The following RAB18 variants were observed in gnomAD, a reference collection of about 807,000 sequenced individuals.
RAB18 encodes the protein ras-related protein Rab-18.
A neutral mutation model predicts 28.5 loss-of-function variants in RAB18; 10 were observed. The ratio of observed to expected loss-of-function variants is 0.35; its 90% CI spans 0.22 to 0.60. The LOEUF (loss-of-function observed/expected upper bound fraction) is 0.60, where lower values mean the gene tolerates loss of function less well. Ranked by LOEUF, RAB18 falls within the 20% of genes least tolerant of loss-of-function variation. The probability of loss-of-function intolerance (pLI) is 0.78; values close to 1 mark genes in which losing one functional copy is unlikely to be tolerated. For synonymous variants in RAB18, 93 were observed against 86.9 expected (o/e 1.07, Z -0.39); for missense variants, 188 against 244.2 (o/e 0.77, Z 1.53).
intron 1 of RAB18, among the ~76,000 whole-genome samples, chr10:27,509,446 G>T (rs1361285226): frequency 6.6e-6 from 1 of 152,130 alleles, no homozygotes; most frequent in Non-Finnish European, 1.5e-5. Context: ...CTTGAATTCA[G>T]AGTGGATTAC....
intron 3 of RAB18, among the ~76,000 whole-genome samples, chr10:27,528,981 T>C (rs940982959): frequency 2.0e-5 from 3 of 152,078 alleles, no homozygotes; most frequent in African/African-American, 7.2e-5. Flanking sequence ...AAAATAAGTT[T>C]TCTTTTTACA....
intron 2 of RAB18, among the ~76,000 whole-genome samples, chr10:27,519,112 G>A: frequency 6.6e-6 from 1 of 151,156 alleles, no homozygotes; most frequent in East Asian, 1.9e-4. Context: ...AAAACGAAGT[G>A]GGGTTTATCC....
chr10:27,542,181 GA>G lies in RAB18; in HGVS notation c.*4131del, dbSNP rs1835053713. 2.2e-6 allele frequency: 1 copy of G among 454,100 alleles called. No homozygotes were observed. Among genetic ancestry groups the G allele is most frequent in the Non-Finnish European group, 4.4e-6 (1 of 226,788 alleles). 28.1% of individuals were successfully genotyped at this position (454,100 alleles called of 1,614,324 possible). ...CTGGATCAAATTGGACCTGAATTGA[GA>G]TCTATTTCTCAGCTTTCACTTATGT... On this transcript the variant is annotated 3_prime_UTR_variant, in exon 7 of 7. Coordinates refer to ENST00000356940, the MANE Select transcript of RAB18 (RefSeq NM_021252.5).
chr10:27,517,280 T>G (rs1253367958), intron 2 of RAB18, among the ~76,000 whole-genome samples: 1 of 152,122 alleles, frequency 6.6e-6, no homozygotes, highest in African/African-American at 2.4e-5. Flanking sequence ...GGAGAATCAC[T>G]TGAATCCGGG....
intron 4 of RAB18, among the ~76,000 whole-genome samples, 158 bp downstream of exon 4, chr10:27,532,737 A>C (rs1204189022): frequency 6.6e-6 from 1 of 152,058 alleles, no homozygotes; most frequent in Non-Finnish European, 1.5e-5. Flanking sequence ...ATGAATATTA[A>C]AACTTTTGAT....
At chr10:27,530,690 T>A (rs1211690213) in intron 3 of RAB18, among the ~76,000 whole-genome samples, 1 of 151,908 alleles carries the variant, frequency 6.6e-6, no homozygotes, top group Non-Finnish European at 1.5e-5. Context: ...TAGTTTCTTA[T>A]TATATATATT....
rs539338497 is a variant in RAB18, at chr10:27,524,923, A to T, written c.125-1905A>T. Among the ~76,000 whole-genome samples the T allele has an allele frequency of 2.0e-5, 3 of 152,354 alleles. No individual in the cohort carries two copies. In the South Asian group the frequency reaches 6.2e-4, roughly 32 times the overall value. On this transcript the variant is annotated intron_variant, in intron 2 of 6. Transcript: ENST00000356940. ...CTGGATTTAGATTAGGTGCCCCTTC[A>T]GGCTACCTGTGTCTGTTGGCTTTGA...
In RAB18 at chr10:27,523,858, T is replaced by A. The variant is rs531418556; in HGVS notation, c.125-2970T>A. Among the ~76,000 whole-genome samples the A allele has an allele frequency of 6.3e-4, 96 of 152,088 alleles. No individual in the cohort carries two copies. The South Asian group carries it at 0.013, about 21-fold the overall frequency. On this transcript the variant is annotated intron_variant, in intron 2 of 6. Coordinates refer to ENST00000356940, the MANE Select transcript of RAB18 (RefSeq NM_021252.5). ...ACTTTGGGAGGCCGAGGCGGGCGGA[T>A]CACGAGGTCAGGAGATTGAGACCAT...
At position 27,540,415 on chromosome 10, in the gene RAB18, G is replaced by C. The variant is rs1466346536; in HGVS notation, c.*2364G>C. On this transcript the variant is annotated 3_prime_UTR_variant, in exon 7 of 7. Coordinates refer to ENST00000356940, the MANE Select transcript of RAB18 (RefSeq NM_021252.5). ...CTTCACCATCGCTCATTTTACAATG[G>C]GTAGTTAGTTACCAGCTTTTTGTAA... The C allele has an allele frequency of 2.2e-6, 1 of 453,996 alleles. No homozygotes were observed. The highest frequency in any genetic ancestry group is 4.4e-6 in the Non-Finnish European group (1 of 226,742). 28.1% of individuals were successfully genotyped at this position (453,996 alleles called of 1,614,324 possible). A position where few individuals can be genotyped will look rare whatever the true frequency, so the allele number is the denominator to read the frequency against.
At chr10:27,504,984 T>C (rs746149304) in intron 1 of RAB18, 2 of 533,520 alleles carry the variant, frequency 3.7e-6, no homozygotes, top group South Asian at 2.8e-5. Context: ...ATTAGTCGGC[T>C]GTGAAAGAAC....
intron 2 of RAB18, among the ~76,000 whole-genome samples, chr10:27,523,337 C>T (rs1489787933): frequency 1.1e-5 from 1 of 93,322 alleles, no homozygotes; most frequent in Non-Finnish European, 2.1e-5. Context: ...TATTTTTCAT[C>T]AAATTTGAAA....
rs755489099 is a variant in RAB18, at chr10:27,541,939, G to A, written c.*3888G>A. On this transcript the variant is annotated 3_prime_UTR_variant, in exon 7 of 7. Coordinates refer to ENST00000356940, the MANE Select transcript of RAB18 (RefSeq NM_021252.5). ...TTAGCAGTGCCCCACTTCCCCAGTA[G>A]CAATGGTTCAGGGGTAGGCACCTGA... 6.6e-6 allele frequency: 3 copies of A among 453,612 alleles called. No homozygotes were observed. Among genetic ancestry groups the A allele is most frequent in the East Asian group, 7.0e-5 (1 of 14,352 alleles). 28.1% of individuals were successfully genotyped at this position (453,612 alleles called of 1,614,324 possible).
intron 1 of RAB18, among the ~76,000 whole-genome samples, chr10:27,505,893 G>A (rs1048575582): frequency 1.3e-5 from 2 of 152,124 alleles, no homozygotes; most frequent in African/African-American, 4.8e-5. Flanking sequence ...AATGTCCTCT[G>A]TGTCTACTGG....
Position 27,541,047 on chromosome 10 carries a change from T to A in RAB18, c.*2996T>A, listed in dbSNP as rs1835015228. 2 of 453,350 alleles carry A rather than the reference T, an allele frequency of 4.4e-6. No individual in the cohort carries two copies. Among genetic ancestry groups the A allele is most frequent in the Non-Finnish European group, 8.8e-6 (2 of 226,448 alleles). 28.1% of individuals were successfully genotyped at this position (453,350 alleles called of 1,614,324 possible). On this transcript the variant is annotated 3_prime_UTR_variant, in exon 7 of 7. Transcript: ENST00000356940. ...GAACTCAACAATTCTTCAGGTATTA[T>A]AGATCAGAGATCCTCTCCATATTCA...
At chr10:27,508,101 C>T (rs909317546) in intron 1 of RAB18, among the ~76,000 whole-genome samples, 1 of 151,542 alleles carries the variant, frequency 6.6e-6, no homozygotes, top group African/African-American at 2.4e-5. Context: ...AATGGACTCT[C>T]TGTCCCTTTC....
intron 2 of RAB18, among the ~76,000 whole-genome samples, chr10:27,512,205 T>C (rs1048716860): frequency 2.6e-5 from 4 of 152,144 alleles, no homozygotes; most frequent in African/African-American, 9.7e-5. Flanking sequence ...TTTACAGATT[T>C]ACTCTTATTT....
chr10:27,527,095 C>T (rs780896436), intron 3 of RAB18: 1 of 680,890 alleles, frequency 1.5e-6, no homozygotes, highest in Non-Finnish European at 2.7e-6. Flanking sequence ...TTTCACAATG[C>T]ATAATTCTTT....
At chr10:27,516,576 A>AG (rs59150103) in intron 2 of RAB18, among the ~76,000 whole-genome samples, 2 of 151,474 alleles carry the variant, frequency 1.3e-5, no homozygotes, top group South Asian at 2.1e-4. Context: ...AAAAAAAAAA[A>AG]GAGAGAAATC....
At chr10:27,512,249 A>G (rs1026809176) in intron 2 of RAB18, among the ~76,000 whole-genome samples, 28 of 152,144 alleles carry the variant, frequency 1.8e-4, no homozygotes, top group Admixed American at 4.6e-4. Flanking sequence ...TAAAACACGA[A>G]TTCAAAATCC....
Sources: allele counts gnomAD v4.1 joint callset (sites outside exome capture counted in the v4.1 genomes callset), GRCh38; gene constraint gnomAD v4.1.1; transcripts MANE v1.5; gene names NCBI Gene and HGNC (gene_info 2026-07-23, HGNC 2026-07-21).